RALGAPA1: variants seen among roughly 807,000 people sequenced by gnomAD.
The protein encoded by RALGAPA1 is ral GTPase-activating protein subunit alpha-1.
RALGAPA1 carries 52 observed loss-of-function variants against 269.6 expected under a neutral mutation model. That is an observed-to-expected ratio of 0.19 (90% CI 0.15 to 0.24). The LOEUF is 0.24. RALGAPA1 is among the 10% of genes least tolerant of loss of function. The pLI is 1.00. For synonymous variants in RALGAPA1, 817 were observed against 1,008.3 expected, an observed-to-expected ratio of 0.81 and a Z score of 3.60; for missense variants, 1,917 against 3,013.9, an observed-to-expected ratio of 0.64 and a Z score of 8.52.
At chr14:35,782,148 A>G (rs1376096478) in intron 1 of RALGAPA1, among the ~76,000 whole-genome samples, 1 of 152,238 alleles carries the variant, frequency 6.6e-6, no homozygotes. Context: ...TACAAGATTA[A>G]TAAGAAAAAT....
intron 37 of RALGAPA1, among the ~76,000 whole-genome samples, chr14:35,585,665 C>CA (rs1178924451): frequency 1.3e-5 from 2 of 152,204 alleles, no homozygotes; most frequent in African/African-American, 4.8e-5. Context: ...CAGCTTTCTA[C>CA]ATATGGCTAG....
intron 31 of RALGAPA1, among the ~76,000 whole-genome samples, chr14:35,637,612 T>C (rs747410482): frequency 1.3e-5 from 2 of 152,160 alleles, no homozygotes; most frequent in Admixed American, 6.5e-5. Context: ...TCTAGAGTTA[T>C]TGGCTTTAAA....
chr14:35,760,351 C>T (rs1035310870), intron 6 of RALGAPA1, among the ~76,000 whole-genome samples: 1 of 152,138 alleles, frequency 6.6e-6, no homozygotes, highest in Admixed American at 6.5e-5. Flanking sequence ...ACCGCTACCA[C>T]CTCCTCCACA....
chr14:35,641,734 A>C (rs2062042863), intron 31 of RALGAPA1, among the ~76,000 whole-genome samples: 2 of 152,338 alleles, frequency 1.3e-5, no homozygotes, highest in East Asian at 3.9e-4. Flanking sequence ...TCTTTATAGA[A>C]ACAGAACAAA....
chr14:35,690,351 C>A (rs8021355), intron 17 of RALGAPA1, among the ~76,000 whole-genome samples: 52,779 of 151,888 alleles, frequency 0.35, 12,645 homozygotes, highest in African/African-American at 0.67. Context: ...TACTTATTTA[C>A]GTTCCAAGCA....
chr14:35,565,520 C>CCTAA (rs1340595493), intron 39 of RALGAPA1, among the ~76,000 whole-genome samples: 2 of 151,970 alleles, frequency 1.3e-5, no homozygotes, highest in Non-Finnish European at 2.9e-5. Context: ...ACTGAGGTCC[C>CCTAA]CTGAGGAAGG....
rs565490640 is a variant in RALGAPA1, at chr14:35,689,977, G to A, written c.2434C>T (p.Arg812Cys). ...GAAAAATGTCTGACTCTAGTTGAGCGGGGAAGTATTTGAGCATCATCAATA... is the reference window on the plus strand; with the variant it reads ...GAAAAATGTCTGACTCTAGTTGAGCAGGGAAGTATTTGAGCATCATCAATA... ...SDIDDAQILP[R>C]STRVRHFSQS... is the part of the protein sequence containing the mutation. The change falls in exon 18 of 42, where the codon CGC becomes TGC. Residue 812 changes from arginine to cysteine, a missense_variant. By Grantham distance (180) the Arg-to-Cys change is radical. Coordinates refer to ENST00000680220, the MANE Select transcript of RALGAPA1 (RefSeq NM_001346249.2). 3.3e-5 allele frequency: 53 copies of A among 1,591,756 alleles called. No individual in the cohort carries two copies. Among genetic ancestry groups the A allele is most frequent in the South Asian group, 1.0e-4 (9 of 87,594 alleles).
chr14:35,786,494 C>T (rs1280759447), intron 1 of RALGAPA1, among the ~76,000 whole-genome samples: 3 of 151,610 alleles, frequency 2.0e-5, no homozygotes, highest in African/African-American at 7.3e-5. Flanking sequence ...AAAAATTAGC[C>T]GGGCGTGCTG....
intron 16 of RALGAPA1, chr14:35,706,614 C>CTTTTTT (rs58711278): frequency 2.9e-4 from 32 of 111,204 alleles, no homozygotes; most frequent in Non-Finnish European, 3.7e-4. Flanking sequence ...TTTGCCTTTC[C>CTTTTTT]TTTTTTTTTT....
At chr14:35,582,103 T>C (rs1440077348) in intron 37 of RALGAPA1, among the ~76,000 whole-genome samples, 1 of 152,174 alleles carries the variant, frequency 6.6e-6, no homozygotes, top group Non-Finnish European at 1.5e-5. Context: ...CTTGAAAACA[T>C]GCTAAGTAAA....
At chr14:35,614,583 G>C (rs1166159681) in intron 35 of RALGAPA1, among the ~76,000 whole-genome samples, 1 of 152,098 alleles carries the variant, frequency 6.6e-6, no homozygotes, top group East Asian at 1.9e-4. Flanking sequence ...GTGGGTAATG[G>C]ATACCAGGTT....
intron 10 of RALGAPA1, among the ~76,000 whole-genome samples, chr14:35,743,036 A>G (rs2071714576): frequency 6.6e-6 from 1 of 152,144 alleles, no homozygotes; most frequent in South Asian, 2.1e-4. Flanking sequence ...GACTGAGACC[A>G]TTTAGACACA....
chr14:35,682,569 G>A (rs556536735), intron 21 of RALGAPA1, among the ~76,000 whole-genome samples: 19 of 152,242 alleles, frequency 1.2e-4, no homozygotes, highest in African/African-American at 4.6e-4. Flanking sequence ...GCTCCCCAAA[G>A]TGCTGGGATT....
chr14:35,736,946 G>A (rs2071055345), intron 12 of RALGAPA1, among the ~76,000 whole-genome samples: 1 of 151,196 alleles, frequency 6.6e-6, no homozygotes, highest in Non-Finnish European at 1.5e-5. Flanking sequence ...TGAGGCAGGA[G>A]AATTGGTTGA....
chr14:35,661,215 C>T (rs2063520454), intron 27 of RALGAPA1, among the ~76,000 whole-genome samples: 1 of 152,098 alleles, frequency 6.6e-6, no homozygotes, highest in Admixed American at 6.5e-5. Flanking sequence ...TACGTGTTAT[C>T]AAGACATCAT....
At chr14:35,671,735 G>T (rs1368877461) in intron 25 of RALGAPA1, among the ~76,000 whole-genome samples, 1 of 152,064 alleles carries the variant, frequency 6.6e-6, no homozygotes, top group Non-Finnish European at 1.5e-5. Context: ...TCATTTAACT[G>T]GCATAAATAA....
chr14:35,620,036 TC>T (rs2060510461), intron 35 of RALGAPA1, among the ~76,000 whole-genome samples: 1 of 151,998 alleles, frequency 6.6e-6, no homozygotes, highest in Non-Finnish European at 1.5e-5. Context: ...GCCAACATCA[TC>T]CTGATATCAA....
chr14:35,608,630 T>C (rs1194740417), intron 35 of RALGAPA1, among the ~76,000 whole-genome samples: 1 of 152,104 alleles, frequency 6.6e-6, no homozygotes, highest in Non-Finnish European at 1.5e-5. Context: ...AATGTCAACC[T>C]AACAGGAAAA....
rs1181104740 is a variant in RALGAPA1 at position 35,678,130 on chromosome 14, A to G, written c.4472-28T>C. On this transcript the variant is annotated intron_variant, in intron 21 of 41. Coordinates refer to ENST00000680220, the MANE Select transcript of RALGAPA1 (RefSeq NM_001346249.2). ...GTAAATATAATTTCATAAAATTACC[A>G]TAAAGAGTATTCAATATCCTACCTA... 1.9e-6 allele frequency: 3 copies of G among 1,587,474 alleles called. No individual in the cohort carries two copies. In the South Asian group the frequency reaches 3.5e-5, roughly 18 times the overall value.
Sources: gnomAD v4.1 joint callset for allele counts (sites outside exome capture counted in the v4.1 genomes callset) on GRCh38, gnomAD v4.1.1 for gene constraint, MANE v1.5 for transcripts, NCBI Gene and HGNC (gene_info 2026-07-23, HGNC 2026-07-21) for gene names.